The following OR3A2 variants were observed in gnomAD, a reference collection of about 807,000 sequenced individuals.
OR3A2 encodes olfactory receptor 3A2.
For missense variants in OR3A2, 318 were observed against 392.8 expected, an observed-to-expected ratio of 0.81 and a Z score of 1.61; for synonymous variants, 126 against 159.3, an observed-to-expected ratio of 0.79 and a Z score of 1.57.
At chr17:3,383,767 A>G (rs963750819) in intron 2 of OR3A2, 8 of 152,174 alleles carry the variant, frequency 5.3e-5, no homozygotes, top group African/African-American at 1.9e-4. Context: ...ATGATAGAGA[A>G]GCAGCAAAAT....
At chr17:3,352,800 T>C (rs1436965694) in intron 2 of OR3A2, among the ~76,000 whole-genome samples, 4 of 152,082 alleles carry the variant, frequency 2.6e-5, no homozygotes, top group African/African-American at 9.7e-5. Context: ...ATTGGTATTT[T>C]GATAAGGATT....
At chr17:3,380,518 C>G (rs945722338) in intron 2 of OR3A2, among the ~76,000 whole-genome samples, 1 of 152,204 alleles carries the variant, frequency 6.6e-6, no homozygotes, top group African/African-American at 2.4e-5. Context: ...CTTTGTCTTA[C>G]TCATCTCCGA....
intron 2 of OR3A2, among the ~76,000 whole-genome samples, chr17:3,369,692 C>CT (rs951055013): frequency 1.3e-5 from 2 of 151,110 alleles, no homozygotes; most frequent in South Asian, 2.1e-4. Context: ...CTGTAATTTT[C>CT]TTTTTTTGTT....
intron 3 of OR3A2, among the ~76,000 whole-genome samples, chr17:3,303,910 T>TAC (rs531121807): frequency 0.011 from 1,434 of 132,644 alleles, 27 homozygotes; most frequent in African/African-American, 0.035. Flanking sequence ...TAAATAGATA[T>TAC]AGATATAGAT....
chr17:3,304,653 C>G lies in OR3A2; in HGVS notation c.-84-25500G>C, dbSNP rs146759122. Reference sequence around the variant, plus strand: ...TCTAAGGAAATACAATTTCCCAAAACTGTTTACGAAGAAAAAGAAAATTTA... The same window carrying G: ...TCTAAGGAAATACAATTTCCCAAAAGTGTTTACGAAGAAAAAGAAAATTTA... On this transcript the variant is annotated intron_variant, in intron 3 of 4. Transcript: ENST00000573491. Among the ~76,000 whole-genome samples the G allele has an allele frequency of 5.8e-3, 887 of 152,296 alleles. 6 individuals carry two copies. Among genetic ancestry groups the G allele is most frequent in the African/African-American group, 0.02 (837 of 41,554 alleles).
In OR3A2 at chr17:3,322,724, G is replaced by A. The variant is rs555141715; in HGVS notation, c.-85+13309C>T. ...TTCTGAGTTCTAGTTTGATTGCACTGTGGTCTGAGAGACAGTTTGTTATAA... is the reference window on the plus strand; with the variant it reads ...TTCTGAGTTCTAGTTTGATTGCACTATGGTCTGAGAGACAGTTTGTTATAA... On this transcript the variant is annotated intron_variant, in intron 3 of 4. Transcript: ENST00000573491. Among the ~76,000 whole-genome samples the A allele has an allele frequency of 3.9e-5, 6 of 152,298 alleles. No homozygotes were observed. The East Asian group carries it at 1.2e-3, about 29-fold the overall frequency.
chr17:3,289,241 A>T (rs991872915), upstream of OR3A2, among the ~76,000 whole-genome samples: 5 of 152,264 alleles, frequency 3.3e-5, no homozygotes, highest in Admixed American at 2.6e-4. Context: ...CATTTACAAC[A>T]TGATGTATTA....
In OR3A2 at chr17:3,346,742, G is replaced by A. The variant is rs369932719; in HGVS notation, c.-178-10616C>T. On this transcript the variant is annotated intron_variant, in intron 2 of 4. Transcript: ENST00000573491. ...GCTCTTCTACTCACTATGGTTATGA[G>A]GTCAATTGTTTTGATTTTTAGATCC... Among the ~76,000 whole-genome samples the A allele has an allele frequency of 9.4e-4, 142 of 151,822 alleles. 6 individuals are homozygous for A. In the South Asian group the frequency reaches 0.029, roughly 31 times the overall value.
At chr17:3,333,121 T>G (rs1356337031) in intron 3 of OR3A2, among the ~76,000 whole-genome samples, 1 of 152,176 alleles carries the variant, frequency 6.6e-6, no homozygotes, top group Non-Finnish European at 1.5e-5. Flanking sequence ...ATATTAAATA[T>G]TAAGACCCTA....
At chr17:3,346,698 A>G (rs540105305) in intron 2 of OR3A2, among the ~76,000 whole-genome samples, 1 of 151,750 alleles carries the variant, frequency 6.6e-6, no homozygotes, top group South Asian at 2.1e-4. Flanking sequence ...TCAGCCCCCA[A>G]CTGTCCTTCC....
intron 2 of OR3A2, among the ~76,000 whole-genome samples, chr17:3,362,409 C>CT (rs1352118845): frequency 6.6e-6 from 1 of 151,614 alleles, no homozygotes; most frequent in East Asian, 1.9e-4. Context: ...TTTTGTGTCT[C>CT]TATCTCCTTC....
At chr17:3,340,794 A>G (rs2049310385) in intron 2 of OR3A2, among the ~76,000 whole-genome samples, 1 of 152,152 alleles carries the variant, frequency 6.6e-6, no homozygotes, top group Non-Finnish European at 1.5e-5. Context: ...TTTGGTGCAG[A>G]GCTGAGTTCA....
intron 2 of OR3A2, among the ~76,000 whole-genome samples, chr17:3,353,442 TAGAGG>T (rs1324337240): frequency 1.3e-5 from 2 of 151,914 alleles, no homozygotes; most frequent in East Asian, 3.9e-4. Context: ...TTCTGGATCT[TAGAGG>T]AAAGGCTTTC....
At chr17:3,352,392 C>T (rs543425614) in intron 2 of OR3A2, among the ~76,000 whole-genome samples, 1 of 151,570 alleles carries the variant, frequency 6.6e-6, no homozygotes, top group Non-Finnish European at 1.5e-5. Context: ...TTGAGGTCTT[C>T]GATTTAAGTC....
At chr17:3,344,841 C>T (rs559560060) in intron 2 of OR3A2, among the ~76,000 whole-genome samples, 1 of 152,276 alleles carries the variant, frequency 6.6e-6, no homozygotes, top group Admixed American at 6.5e-5. Flanking sequence ...AGGCCTCATG[C>T]TGAGCCAACT....
intron 3 of OR3A2, among the ~76,000 whole-genome samples, chr17:3,318,139 A>G (rs1385370162): frequency 6.6e-5 from 10 of 152,182 alleles, no homozygotes; most frequent in African/African-American, 1.9e-4. Context: ...TGGGGAGTTA[A>G]GTGCTTACAA....
chr17:3,369,609 G>A (rs745804195), intron 2 of OR3A2, among the ~76,000 whole-genome samples: 15 of 151,964 alleles, frequency 9.9e-5, no homozygotes, highest in African/African-American at 2.2e-4. Flanking sequence ...TTATATTTTC[G>A]ATATGCTGTT....
chr17:3,295,958 TG>T (rs1416223544), intron 3 of OR3A2, among the ~76,000 whole-genome samples: 6 of 152,054 alleles, frequency 3.9e-5, no homozygotes, highest in African/African-American at 1.4e-4. Flanking sequence ...AGGGTAACAG[TG>T]GATTTTAGTG....
At chr17:3,362,870 C>A (rs1011501340) in intron 2 of OR3A2, among the ~76,000 whole-genome samples, 1 of 151,836 alleles carries the variant, frequency 6.6e-6, no homozygotes, top group Non-Finnish European at 1.5e-5. Context: ...AGGCCCAACA[C>A]TATGGAGAAG....
Sources: gnomAD v4.1 joint callset for allele counts (sites outside exome capture counted in the v4.1 genomes callset) on GRCh38, gnomAD v4.1.1 for gene constraint, MANE v1.5 for transcripts, NCBI Gene and HGNC (gene_info 2026-07-23, HGNC 2026-07-21) for gene names.